AKAP13: variants seen among roughly 807,000 people sequenced by gnomAD.
AKAP13 encodes A-kinase anchor protein 13.
A neutral mutation model predicts 264.5 loss-of-function variants in AKAP13; 80 were observed. The observed-to-expected ratio is 0.30, with a 90% CI of 0.25 to 0.36. AKAP13 has a LOEUF of 0.36. AKAP13 is among the 10% of genes least tolerant of loss of function. The pLI is 1.00. For synonymous variants in AKAP13, 1,380 were observed against 1,250.2 expected (o/e 1.10, Z -2.19); for missense variants, 3,712 against 3,435.2 (o/e 1.08, Z -2.01).
intron 17 of AKAP13, among the ~76,000 whole-genome samples, chr15:85,694,267 T>C (rs1382088861): frequency 1.3e-5 from 2 of 152,260 alleles, no homozygotes; most frequent in Non-Finnish European, 2.9e-5. Flanking sequence ...CCAAGTCTGC[T>C]AACTGAGCAT....
At chr15:85,577,709 T>C (rs1044271209) in intron 6 of AKAP13, 1 of 720,810 alleles carries the variant, frequency 1.4e-6, no homozygotes, top group African/African-American at 1.9e-5. Context: ...TGACAGTATA[T>C]AGGTATATGT....
At chr15:85,523,207 A>G (rs2076892320) in intron 3 of AKAP13, among the ~76,000 whole-genome samples, 2 of 152,024 alleles carry the variant, frequency 1.3e-5, no homozygotes, top group South Asian at 2.1e-4. Flanking sequence ...ACCGGACCCT[A>G]TTGCTCTGCT....
chr15:85,551,090 G>A (rs755710860), intron 5 of AKAP13, among the ~76,000 whole-genome samples: 106 of 152,094 alleles, frequency 7.0e-4, no homozygotes, highest in Admixed American at 3.3e-4. Flanking sequence ...ATTTTGTGAG[G>A]AGGCATGTTT....
intron 8 of AKAP13, among the ~76,000 whole-genome samples, chr15:85,606,948 C>G (rs1055316886): frequency 6.6e-6 from 1 of 152,050 alleles, no homozygotes; most frequent in Non-Finnish European, 1.5e-5. Context: ...GGGATTGTTT[C>G]GGGGACATTT....
intron 8 of AKAP13, among the ~76,000 whole-genome samples, chr15:85,594,371 T>C (rs189930798): frequency 7.4e-4 from 112 of 152,360 alleles, no homozygotes; most frequent in Non-Finnish European, 1.2e-3. Flanking sequence ...ATCAGACATA[T>C]TCTCAAGTGT....
intron 2 of AKAP13, among the ~76,000 whole-genome samples, chr15:85,504,661 C>G (rs2076151233): frequency 6.9e-6 from 1 of 145,114 alleles, no homozygotes; most frequent in African/African-American, 2.6e-5. Context: ...CACTGTACTC[C>G]AGCCTGGGTG....
At chr15:85,606,090 CTTTTTTTTTTTTTT>C (rs369008646) in intron 8 of AKAP13, among the ~76,000 whole-genome samples, 11 of 88,356 alleles carry the variant, frequency 1.2e-4, no homozygotes, top group Non-Finnish European at 1.3e-4. Flanking sequence ...GTTTGATCTA[CTTTTTTTTTTTTTT>C]TTTTTTTTTT....
chr15:85,695,844 A>C (rs1032895493), intron 17 of AKAP13, among the ~76,000 whole-genome samples: 1 of 152,184 alleles, frequency 6.6e-6, no homozygotes, highest in African/African-American at 2.4e-5. Context: ...GTATTCCTCC[A>C]GTGTTTATTT....
intron 2 of AKAP13, chr15:85,520,689 C>T (rs373783230): frequency 1.9e-6 from 1 of 518,930 alleles, no homozygotes; most frequent in Non-Finnish European, 3.8e-6. Context: ...AAGCAGCCTC[C>T]TATTGAAATA....
intron 16 of AKAP13, among the ~76,000 whole-genome samples, chr15:85,692,758 A>G (rs1236022294): frequency 2.0e-5 from 3 of 152,224 alleles, no homozygotes; most frequent in Admixed American, 2.0e-4. Flanking sequence ...GAGACTTTAT[A>G]CATACTCCGT....
intron 29 of AKAP13, among the ~76,000 whole-genome samples, chr15:85,728,672 GA>G (rs35115090): frequency 2.6e-5 from 4 of 152,026 alleles, no homozygotes; most frequent in Non-Finnish European, 5.9e-5. Context: ...AGCTACATCT[GA>G]AAAAAATTAT....
At chr15:85,483,640 A>AAACAAAC (rs1567080794) in intron 1 of AKAP13, among the ~76,000 whole-genome samples, 20 of 147,256 alleles carry the variant, frequency 1.4e-4, no homozygotes, top group Middle Eastern at 3.6e-3. Flanking sequence ...CTCAAAAAAA[A>AAACAAAC]AAAAAAAAAA....
At chr15:85,633,156 G>A (rs2081921261) in intron 8 of AKAP13, among the ~76,000 whole-genome samples, 1 of 152,198 alleles carries the variant, frequency 6.6e-6, no homozygotes, top group Middle Eastern at 3.4e-3. Flanking sequence ...ATGTGCCACC[G>A]CGCCCGGCAG....
chr15:85,464,682 TA>T (rs1205059511), intron 1 of AKAP13, among the ~76,000 whole-genome samples: 1 of 152,230 alleles, frequency 6.6e-6, no homozygotes, highest in African/African-American at 2.4e-5. Flanking sequence ...CAAGCTTATA[TA>T]ACTCGGAAGC....
chr15:85,443,721 T>A (rs1473928909), intron 1 of AKAP13, among the ~76,000 whole-genome samples: 1 of 151,996 alleles, frequency 6.6e-6, no homozygotes, highest in Non-Finnish European at 1.5e-5. Flanking sequence ...ATGACTGTAT[T>A]TGCATTTGTG....
chr15:85,391,162 TGAAG>T (rs1236858151), intron 1 of AKAP13, among the ~76,000 whole-genome samples: 5 of 152,180 alleles, frequency 3.3e-5, no homozygotes, highest in Admixed American at 2.0e-4. Context: ...TAGATATGAA[TGAAG>T]GAAGATGGTA....
At chr15:85,699,436 CTCTA>C (rs1189818124) in intron 17 of AKAP13, among the ~76,000 whole-genome samples, 1 of 147,002 alleles carries the variant, frequency 6.8e-6, no homozygotes, top group African/African-American at 2.6e-5. Flanking sequence ...AAGAGTGAAA[CTCTA>C]TCTCAAAAAA....
chr15:85,577,086 G>A (rs1436101987), intron 6 of AKAP13, among the ~76,000 whole-genome samples: 1 of 152,194 alleles, frequency 6.6e-6, no homozygotes, highest in African/African-American at 2.4e-5. Flanking sequence ...CTCTTAAGGA[G>A]CCTAACACAG....
chr15:85,439,917 A>G (rs912843122), intron 1 of AKAP13, among the ~76,000 whole-genome samples: 6 of 151,502 alleles, frequency 4.0e-5, no homozygotes, highest in South Asian at 2.1e-4. Context: ...ACATGTATAC[A>G]TATGTAACTA....
Sources: gnomAD v4.1 joint callset for allele counts (sites outside exome capture counted in the v4.1 genomes callset) on GRCh38, gnomAD v4.1.1 for gene constraint, MANE v1.5 for transcripts, NCBI Gene and HGNC (gene_info 2026-07-23, HGNC 2026-07-21) for gene names.